The following VTI1A variants were observed in gnomAD, a reference collection of about 807,000 sequenced individuals.
The protein encoded by VTI1A is vesicle transport through interaction with t-SNAREs homolog 1A.
In VTI1A, 22 loss-of-function variants were observed where a neutral mutation model predicts 34.9. The ratio of observed to expected loss-of-function variants is 0.63; its 90% confidence interval spans 0.45 to 0.90. The LOEUF (loss-of-function observed/expected upper bound fraction) is 0.90. Ranked by LOEUF, VTI1A falls within the 40% of genes least tolerant of loss-of-function variation. The pLI is 0.00. For missense variants in VTI1A, 268 were observed against 275.6 expected (o/e 0.97, Z 0.20); for synonymous variants, 87 against 97.3 (o/e 0.89, Z 0.62).
chr10:112,669,568 AGTATGAGAAAATAGAT>A (rs1315869253), intron 7 of VTI1A, among the ~76,000 whole-genome samples: 15 of 152,210 alleles, frequency 9.9e-5, no homozygotes, highest in African/African-American at 3.6e-4. Context: ...TATGCTAAAT[AGTATGAGAAAATAGAT>A]GAATGAATGT....
chr10:112,665,986 C>T (rs1254430441), intron 5 of VTI1A, among the ~76,000 whole-genome samples: 1 of 151,890 alleles, frequency 6.6e-6, no homozygotes. Flanking sequence ...TCATGGTGCT[C>T]ATATATATTA....
chr10:112,575,517 T>G (rs982386016), intron 5 of VTI1A, among the ~76,000 whole-genome samples: 1 of 152,178 alleles, frequency 6.6e-6, no homozygotes, highest in Non-Finnish European at 1.5e-5. Flanking sequence ...TCGCGTCCAT[T>G]GTGTGTTTTC....
intron 5 of VTI1A, among the ~76,000 whole-genome samples, chr10:112,577,051 T>C (rs1843739758): frequency 6.6e-6 from 1 of 152,214 alleles, no homozygotes; most frequent in Non-Finnish European, 1.5e-5. Context: ...CATAGATAAA[T>C]AAGTTTTAGC....
intron 7 of VTI1A, among the ~76,000 whole-genome samples, chr10:112,760,661 C>T (rs1174143497): frequency 6.6e-6 from 1 of 152,090 alleles, no homozygotes; most frequent in Non-Finnish European, 1.5e-5. Flanking sequence ...GAGGCCAAGG[C>T]GGGCAGATCA....
chr10:112,675,743 C>G (rs964080723), intron 7 of VTI1A, among the ~76,000 whole-genome samples: 13 of 152,198 alleles, frequency 8.5e-5, no homozygotes, highest in African/African-American at 3.1e-4. Context: ...CTGGAGCAAA[C>G]AGTTCCAGTC....
chr10:112,818,150 G>A lies in VTI1A; in HGVS notation c.*2767G>A, dbSNP rs1354437353. On this transcript the variant is annotated 3_prime_UTR_variant, in exon 8 of 8. Transcript: ENST00000393077. Reference sequence around the variant, plus strand: ...GATTGTCTTATTTTGGAACCAGCTTGGTGGGGGGTTTGCTTTGCTACTGCT... The same window carrying A: ...GATTGTCTTATTTTGGAACCAGCTTAGTGGGGGGTTTGCTTTGCTACTGCT... The A allele has an allele frequency of 1.3e-5, 3 of 233,474 alleles. No homozygotes were observed. Among genetic ancestry groups the A allele is most frequent in the African/African-American group, 6.6e-5 (3 of 45,342 alleles). 14.5% of individuals were successfully genotyped at this position (233,474 alleles called of 1,614,324 possible).
intron 7 of VTI1A, among the ~76,000 whole-genome samples, chr10:112,807,161 A>G (rs983608233): frequency 6.6e-6 from 1 of 151,336 alleles, no homozygotes; most frequent in Non-Finnish European, 1.5e-5. Context: ...CAGTGCAGCC[A>G]TGGGGAAGAA....
intron 7 of VTI1A, among the ~76,000 whole-genome samples, chr10:112,708,284 G>A (rs1849271553): frequency 6.6e-6 from 1 of 152,198 alleles, no homozygotes; most frequent in South Asian, 2.1e-4. Context: ...TTTGCATTTT[G>A]AAAAAGACTT....
intron 4 of VTI1A, among the ~76,000 whole-genome samples, chr10:112,536,844 G>A (rs569299679): frequency 4.0e-5 from 6 of 151,126 alleles, no homozygotes; most frequent in African/African-American, 7.3e-5. Context: ...CACCTATGCC[G>A]GGAGGGAATA....
chr10:112,608,011 CT>C (rs1457001091), intron 5 of VTI1A, among the ~76,000 whole-genome samples: 2 of 152,172 alleles, frequency 1.3e-5, no homozygotes, highest in African/African-American at 4.8e-5. Context: ...CCGCAGTATT[CT>C]TTTGATCACA....
At chr10:112,844,025 C>T in the VTI1A span, among the ~76,000 whole-genome samples, 4 of 152,144 alleles carry the variant, frequency 2.6e-5, no homozygotes, top group African/African-American at 9.6e-5. Flanking sequence ...AGAGGAATGC[C>T]AAGGCATAGG....
At chr10:112,549,918 A>G (rs557457556) in intron 5 of VTI1A, among the ~76,000 whole-genome samples, 28 of 152,180 alleles carry the variant, frequency 1.8e-4, no homozygotes, top group Non-Finnish European at 3.4e-4. Context: ...GCTCTTAAAG[A>G]GTATTTTCAA....
chr10:112,506,977 A>G (rs1849454202), intron 3 of VTI1A, among the ~76,000 whole-genome samples: 1 of 149,722 alleles, frequency 6.7e-6, no homozygotes, highest in Admixed American at 6.6e-5. Context: ...TTCTTCATGC[A>G]TCTTGGAATT....
At chr10:112,821,705 C>T (rs189380643), downstream of VTI1A, among the ~76,000 whole-genome samples, 268 of 152,332 alleles carry the variant, frequency 1.8e-3, no homozygotes, top group African/African-American at 6.0e-3. Flanking sequence ...GAGCCAAGAA[C>T]ATGGCTAGGA....
intron 7 of VTI1A, among the ~76,000 whole-genome samples, chr10:112,775,660 G>T (rs539257404): frequency 5.3e-5 from 8 of 152,272 alleles, no homozygotes; most frequent in Admixed American, 5.2e-4. Flanking sequence ...CAAGCTTAAA[G>T]AATTATCAAG....
At chr10:112,811,712 A>AAAAAAAAGAT (rs67154330) in intron 7 of VTI1A, among the ~76,000 whole-genome samples, 3,424 of 83,988 alleles carry the variant, frequency 0.041, 1,005 homozygotes, top group African/African-American at 0.053. Context: ...AAAAAAAAAA[A>AAAAAAAAGAT]GAGTGCAGTC....
intron 1 of VTI1A, among the ~76,000 whole-genome samples, chr10:112,458,520 C>T (rs867536173): frequency 3.9e-5 from 6 of 152,056 alleles, no homozygotes; most frequent in African/African-American, 1.4e-4. Context: ...ATTGTGAGTA[C>T]ACATAAAACA....
chr10:112,604,836 G>A (rs909393093), intron 5 of VTI1A, among the ~76,000 whole-genome samples: 4 of 152,090 alleles, frequency 2.6e-5, no homozygotes, highest in African/African-American at 9.7e-5. Context: ...TGATCACTGA[G>A]TACAGTTTTA....
At chr10:112,688,031 G>GCCTCT (rs1848483587) in intron 7 of VTI1A, among the ~76,000 whole-genome samples, 1 of 144,226 alleles carries the variant, frequency 6.9e-6, no homozygotes, top group East Asian at 2.0e-4. Context: ...TCAGCTTACT[G>GCCTCT]CAACCTCTGC....
Sources: allele counts gnomAD v4.1 joint callset (sites outside exome capture counted in the v4.1 genomes callset), GRCh38; gene constraint gnomAD v4.1.1; transcripts MANE v1.5; gene names NCBI Gene and HGNC (gene_info 2026-07-23, HGNC 2026-07-21).